The following RBFOX1 variants were observed in gnomAD, a reference collection of about 807,000 sequenced individuals.
The protein encoded by RBFOX1 is RNA binding protein fox-1 homolog 1.
Under a neutral mutation model 57.7 loss-of-function variants are expected in RBFOX1, and 8 were observed. The ratio of observed to expected loss-of-function variants is 0.14; its 90% CI spans 0.08 to 0.25. The LOEUF (loss-of-function observed/expected upper bound fraction) is 0.25, where lower values mean the gene tolerates loss of function less well. Among genes scored for constraint, RBFOX1 ranks in the 10% least tolerant of loss-of-function variants. The probability of loss-of-function intolerance (pLI) is 1.00; values close to 1 mark genes in which losing one functional copy is unlikely to be tolerated. For synonymous variants in RBFOX1, 326 were observed against 222.4 expected, an observed-to-expected ratio of 1.47 and a Z score of -4.15; for missense variants, 611 against 548.5, an observed-to-expected ratio of 1.11 and a Z score of -1.14.
At chr16:5,826,926 A>G in intron 3 of RBFOX1, among the ~76,000 whole-genome samples, 1 of 152,202 alleles carries the variant, frequency 6.6e-6, no homozygotes, top group Non-Finnish European at 1.5e-5. Flanking sequence ...AAATGCTAGA[A>G]TATCTTTGAA....
At chr16:7,099,420 G>C (rs2062271711) in intron 4 of RBFOX1, among the ~76,000 whole-genome samples, 1 of 152,164 alleles carries the variant, frequency 6.6e-6, no homozygotes. Flanking sequence ...AGGGGAATGG[G>C]ATGAAATAAT....
At chr16:7,254,702 G>A (rs1198037739) in intron 4 of RBFOX1, among the ~76,000 whole-genome samples, 1 of 152,018 alleles carries the variant, frequency 6.6e-6, no homozygotes, top group East Asian at 1.9e-4. Flanking sequence ...ACATTCACAA[G>A]CCATTTTTGC....
intron 2 of RBFOX1, among the ~76,000 whole-genome samples, chr16:5,539,336 T>C (rs552935819): frequency 1.3e-5 from 2 of 151,698 alleles, no homozygotes; most frequent in East Asian, 2.0e-4. Context: ...CTCACGCCTG[T>C]AATCCCAGCA....
At chr16:7,183,644 A>G (rs1358665645) in intron 4 of RBFOX1, among the ~76,000 whole-genome samples, 2 of 152,204 alleles carry the variant, frequency 1.3e-5, no homozygotes, top group Non-Finnish European at 2.9e-5. Flanking sequence ...CGAAGCAGGA[A>G]CATGTATGAG....
chr16:6,238,106 A>AG (rs1449904302), intron 1 of RBFOX1, among the ~76,000 whole-genome samples: 80 of 150,504 alleles, frequency 5.3e-4, no homozygotes, highest in Non-Finnish European at 7.4e-4. Flanking sequence ...AAAAAAAAAA[A>AG]AAAAAGAAAG....
chr16:7,181,688 G>A (rs1418651958), intron 4 of RBFOX1, among the ~76,000 whole-genome samples: 3 of 151,878 alleles, frequency 2.0e-5, no homozygotes, highest in Non-Finnish European at 2.9e-5. Context: ...TCAGCCTCCC[G>A]AGTAGCTGGG....
chr16:6,594,549 G>C (rs1011177086), intron 2 of RBFOX1, among the ~76,000 whole-genome samples: 1 of 152,104 alleles, frequency 6.6e-6, no homozygotes, highest in African/African-American at 2.4e-5. Context: ...GAAAAGTCAA[G>C]AATCTAGGTT....
chr16:7,459,868 C>A, intron 4 of RBFOX1, among the ~76,000 whole-genome samples: 1 of 152,212 alleles, frequency 6.6e-6, no homozygotes, highest in African/African-American at 2.4e-5. Flanking sequence ...ACCCTACCCA[C>A]TTGGTAAAAG....
In RBFOX1 at chr16:7,077,616, G is replaced by C. The variant is rs543949228; in HGVS notation, c.27+25518G>C. The stretch of plus-strand genomic sequence containing the variant: ...AGCAAATGTTCAGTATCATGTTTGT[G>C]CCTTTTTGTTATAATTTGTACCGTA... On this transcript the variant is annotated intron_variant, in intron 4 of 15. Transcript: ENST00000550418. 2.6e-5 allele frequency among the ~76,000 whole-genome samples: 4 copies of C among 152,234 alleles called. 1 individual carries two copies. In the South Asian group the frequency reaches 8.3e-4, roughly 32 times the overall value.
At chr16:6,538,815 T>A (rs2096770963) in intron 2 of RBFOX1, among the ~76,000 whole-genome samples, 1 of 152,180 alleles carries the variant, frequency 6.6e-6, no homozygotes, top group African/African-American at 2.4e-5. Context: ...TATGCGGTTC[T>A]TTGTCCTGTA....
chr16:6,882,612 A>G (rs1445293658), intron 3 of RBFOX1, among the ~76,000 whole-genome samples: 1 of 152,038 alleles, frequency 6.6e-6, no homozygotes, highest in East Asian at 1.9e-4. Context: ...AATATAAATA[A>G]ATAAATAAGA....
chr16:7,314,620 T>C (rs1603618952), intron 4 of RBFOX1, among the ~76,000 whole-genome samples: 2 of 152,182 alleles, frequency 1.3e-5, no homozygotes, highest in South Asian at 2.1e-4. Context: ...TGTTTCCCAT[T>C]TGGTGTTTAT....
chr16:7,012,482 C>T (rs1046867609), intron 3 of RBFOX1, among the ~76,000 whole-genome samples: 1 of 152,156 alleles, frequency 6.6e-6, no homozygotes, highest in East Asian at 1.9e-4. Context: ...GTCTCATTTC[C>T]CAAGCCATGT....
intron 3 of RBFOX1, among the ~76,000 whole-genome samples, chr16:6,690,548 C>A (rs979097231): frequency 1.2e-5 from 1 of 82,214 alleles, no homozygotes; most frequent in South Asian, 6.2e-4. Context: ...CCTCAAAGAT[C>A]ATCGTTTCAA....
chr16:5,827,099 C>G (rs113692576), intron 3 of RBFOX1, among the ~76,000 whole-genome samples: 1 of 152,122 alleles, frequency 6.6e-6, no homozygotes. Context: ...ATGAGACCCT[C>G]CTTTAAAGCT....
In RBFOX1 at chr16:6,631,451, T is replaced by C. The variant is rs11862782; in HGVS notation, c.-63-23152T>C. ...GAAAGTTCCCAGTGACAGAGTGAGCTGTGTAGCAACGTGTGTAAAAAGCAG... is the reference window on the plus strand; with the variant it reads ...GAAAGTTCCCAGTGACAGAGTGAGCCGTGTAGCAACGTGTGTAAAAAGCAG... On this transcript the variant is annotated intron_variant, in intron 2 of 15. Coordinates refer to ENST00000550418, the MANE Select transcript of RBFOX1 (RefSeq NM_018723.4). Among the ~76,000 whole-genome samples, 1,280 of 152,202 alleles carry C rather than the reference T, an allele frequency of 8.4e-3. 22 individuals are homozygous for C. The highest frequency in any genetic ancestry group is 0.029 in the African/African-American group (1,199 of 41,524).
In RBFOX1 at chr16:6,344,407, C is replaced by CTTTTTTTTTTTTTTTTTTTTTTT. The variant is rs60637926; in HGVS notation, c.-64+27362_-64+27363insTTTTTTTTTTTTTTTTTTTTTTT. Among the ~76,000 whole-genome samples, 26 of 109,842 alleles carry CTTTTTTTTTTTTTTTTTTTTTTT rather than the reference C, an allele frequency of 2.4e-4. 1 individual carries two copies. Among genetic ancestry groups the CTTTTTTTTTTTTTTTTTTTTTTT allele is most frequent in the African/African-American group, 9.1e-4 (21 of 22,972 alleles). 72.1% of individuals were successfully genotyped at this position (109,842 alleles called of 152,430 possible). On this transcript the variant is annotated intron_variant, in intron 2 of 15. Coordinates refer to ENST00000550418, the MANE Select transcript of RBFOX1 (RefSeq NM_018723.4). ...TCTCTTCTTCTTTTTTCTTTTTTTT[C>CTTTTTTTTTTTTTTTTTTTTTTT]TTTTTTTTTTTTGAGACAGAGTCTC...
At chr16:5,269,955 G>C (rs1186809161) in intron 1 of RBFOX1, among the ~76,000 whole-genome samples, 1 of 152,088 alleles carries the variant, frequency 6.6e-6, no homozygotes, top group Non-Finnish European at 1.5e-5. Context: ...AGGAGTTCCA[G>C]GCCAGCGTTG....
Position 7,710,781 on chromosome 16 carries a change from A to C in RBFOX1, c.*36A>C. On this transcript the variant is annotated 3_prime_UTR_variant, in exon 16 of 16. Coordinates refer to ENST00000550418, the MANE Select transcript of RBFOX1 (RefSeq NM_018723.4). ...CATAAAAACCTTCCAATGTGGGGAG[A>C]AAGGAAGCTTTCCGAGGCCTGAGTA... 6.7e-7 allele frequency: 1 copy of C among 1,500,140 alleles called. No homozygotes were observed. The highest frequency in any genetic ancestry group is 8.9e-7 in the Non-Finnish European group (1 of 1,118,928). 92.9% of individuals were successfully genotyped at this position (1,500,140 alleles called of 1,614,324 possible). A position where few individuals can be genotyped will look rare whatever the true frequency, so the allele number is the denominator to read the frequency against.
Sources: allele counts gnomAD v4.1 joint callset (sites outside exome capture counted in the v4.1 genomes callset), GRCh38; gene constraint gnomAD v4.1.1; transcripts MANE v1.5; gene names NCBI Gene and HGNC (gene_info 2026-07-23, HGNC 2026-07-21).